USP34: variants seen among roughly 807,000 people sequenced by gnomAD.
USP34 encodes the protein ubiquitin carboxyl-terminal hydrolase 34.
In USP34, 70 loss-of-function variants were observed where a neutral mutation model predicts 460.3. The observed-to-expected ratio is 0.15, with a 90% CI of 0.13 to 0.19. The LOEUF is 0.19. USP34 is among the 10% of genes least tolerant of loss of function. The probability of loss-of-function intolerance (pLI) is 1.00; values close to 1 mark genes in which losing one functional copy is unlikely to be tolerated. For synonymous variants in USP34, 1,647 were observed against 1,405.3 expected (o/e 1.17, Z -3.85); for missense variants, 3,985 against 4,236.2 (o/e 0.94, Z 1.65).
chr2:61,245,346 T>A (rs1231705073), intron 50 of USP34, 58 bp from the exon 51 acceptor site: 15 of 1,007,998 alleles, frequency 1.5e-5, no homozygotes, highest in Non-Finnish European at 7.1e-6. Flanking sequence ...CTTCATATTA[T>A]GTCTACTATT....
At chr2:61,370,685 T>C (rs1259252748) in intron 8 of USP34, 106 bp from the exon 9 acceptor site, 8 of 908,238 alleles carry the variant, frequency 8.8e-6, no homozygotes, top group South Asian at 3.4e-5. Context: ...ATAGGAATTA[T>C]AAAGAATTAG....
At chr2:61,272,887 T>A (rs1689257884) in intron 41 of USP34, among the ~76,000 whole-genome samples, 1 of 152,190 alleles carries the variant, frequency 6.6e-6, no homozygotes, top group African/African-American at 2.4e-5. Flanking sequence ...TGCAGATGAT[T>A]GTGACATGAG....
Position 61,248,536 on chromosome 2 carries a change from A to T in USP34, c.6369T>A (p.Leu2123=), listed in dbSNP as rs1418672216. 6.4e-7 allele frequency: 1 copy of T among 1,569,274 alleles called. No individual in the cohort carries two copies. The highest frequency in any genetic ancestry group is 8.7e-7 in the Non-Finnish European group (1 of 1,155,106). The change falls in exon 49 of 80, where the codon CTT becomes CTA. Residue 2123 remains leucine, a synonymous_variant. Coordinates refer to ENST00000398571, the MANE Select transcript of USP34 (RefSeq NM_014709.4). ...CTTCTTTCCTCTCACTCTTTCCCATAAGAAAATCTTCTGTATAGGGCGTCA... is the reference window on the plus strand; with the variant it reads ...CTTCTTTCCTCTCACTCTTTCCCATTAGAAAATCTTCTGTATAGGGCGTCA... ...LDMTPYTEDF[L]MGKSERKEGF... is the part of the protein sequence containing the mutation.
chr2:61,399,338 C>T (rs138880576), intron 3 of USP34, among the ~76,000 whole-genome samples: 35 of 146,512 alleles, frequency 2.4e-4, no homozygotes, highest in African/African-American at 7.6e-4. Context: ...ATCAAAACTC[C>T]GTCTCAAAAA....
At chr2:61,443,020 G>A (rs892506507) in intron 1 of USP34, among the ~76,000 whole-genome samples, 1 of 151,734 alleles carries the variant, frequency 6.6e-6, no homozygotes, top group African/African-American at 2.4e-5. Flanking sequence ...TATCTTATGT[G>A]AAATAAGCCA....
intron 3 of USP34, among the ~76,000 whole-genome samples, chr2:61,396,699 A>G (rs1260206686): frequency 6.6e-6 from 1 of 152,102 alleles, no homozygotes; most frequent in African/African-American, 2.4e-5. Context: ...CGTGTTAGCC[A>G]GGATGGTCTC....
At chr2:61,217,684 A>G (rs1181557538) in intron 67 of USP34, among the ~76,000 whole-genome samples, 2 of 152,238 alleles carry the variant, frequency 1.3e-5, no homozygotes, top group African/African-American at 4.8e-5. Context: ...AGCAGGGCAC[A>G]GTGGCTCACG....
In USP34 at chr2:61,300,980, A is replaced by G; in HGVS notation, c.4099T>C (p.Ser1367Pro). ...LEMLASFKPP[S>P]GKVAVDDSES... ...CTATCATCCACTGCCACTTTTCCTG[A>G]GGGTGGTTTAAATGATGCAAGCATC... is the stretch of plus-strand genomic sequence containing the variant. The change falls in exon 29 of 80, where the codon TCA (serine) becomes CCA (proline). Residue 1367 changes from serine (S) to proline (P), a missense_variant. Coordinates refer to ENST00000398571, the MANE Select transcript of USP34 (RefSeq NM_014709.4). The G allele has an allele frequency of 6.2e-7, 1 of 1,612,578 alleles. No homozygotes were observed. Among genetic ancestry groups the G allele is most frequent in the Non-Finnish European group, 8.5e-7 (1 of 1,179,552 alleles).
intron 50 of USP34, 61 bp downstream of exon 50, chr2:61,246,262 TG>T: frequency 7.6e-7 from 1 of 1,323,588 alleles, no homozygotes; most frequent in South Asian, 2.3e-5. Context: ...AACTAAACAC[TG>T]AAAACATATC....
chr2:61,454,643 A>C (rs1210071085), intron 1 of USP34, among the ~76,000 whole-genome samples: 1 of 151,704 alleles, frequency 6.6e-6, no homozygotes, highest in Non-Finnish European at 1.5e-5. Context: ...TCCGCCTCCC[A>C]AGTTCAAGTG....
intron 33 of USP34, among the ~76,000 whole-genome samples, chr2:61,291,898 T>C (rs1356944884): frequency 1.3e-5 from 2 of 152,162 alleles, no homozygotes; most frequent in East Asian, 3.8e-4. Flanking sequence ...AATGAATTAT[T>C]GATACTTGCT....
In USP34 at chr2:61,246,481, A is replaced by T. The variant is rs1350799523; in HGVS notation, c.6395-4T>A. On this transcript the variant is annotated splice_region_variant and splice_polypyrimidine_tract_variant and intron_variant, in intron 49 of 79. Coordinates refer to ENST00000398571, the MANE Select transcript of USP34 (RefSeq NM_014709.4). ...TGATCACTGACTTCTTTAAAACCTG[A>T]AATGATTTACACAGAATGGAAATAA... The T allele has an allele frequency of 6.5e-7, 1 of 1,543,664 alleles. No individual in the cohort carries two copies. The highest frequency in any genetic ancestry group is 2.3e-5 in the East Asian group (1 of 42,810).
At chr2:61,366,203 C>T (rs534816162) in intron 10 of USP34, among the ~76,000 whole-genome samples, 1 of 152,256 alleles carries the variant, frequency 6.6e-6, no homozygotes, top group South Asian at 2.1e-4. Context: ...GGATTGTAGG[C>T]GTGAGCCACC....
intron 10 of USP34, among the ~76,000 whole-genome samples, chr2:61,354,788 G>A (rs1372643000): frequency 1.3e-5 from 2 of 152,214 alleles, no homozygotes; most frequent in African/African-American, 2.4e-5. Flanking sequence ...AGGAATTGAG[G>A]AAATGTGAGG....
At chr2:61,257,133 TAAG>T (rs766266975) in intron 45 of USP34, 25 bp from the exon 46 acceptor site, 2 of 1,572,296 alleles carry the variant, frequency 1.3e-6, no homozygotes, top group East Asian at 2.2e-5. Flanking sequence ...AAACAAAAAA[TAAG>T]AAACTAGTTA....
intron 21 of USP34, among the ~76,000 whole-genome samples, chr2:61,319,611 G>A (rs895433682): frequency 1.8e-4 from 27 of 150,978 alleles, no homozygotes; most frequent in Non-Finnish European, 2.8e-4. Flanking sequence ...TTGGGAGGCC[G>A]AGGTGGGTGG....
At chr2:61,283,582 AGT>A in intron 35 of USP34, 133 bp from the exon 36 acceptor site, 2 of 718,512 alleles carry the variant, frequency 2.8e-6, no homozygotes, top group Non-Finnish European at 4.5e-6. Flanking sequence ...TGTGAGTGAG[AGT>A]GAGAGTGAGA....
intron 1 of USP34, among the ~76,000 whole-genome samples, chr2:61,441,344 C>G (rs555994300): frequency 6.6e-6 from 1 of 152,002 alleles, no homozygotes; most frequent in Non-Finnish European, 1.5e-5. Context: ...GGTTAAACCT[C>G]TTATACTTTC....
At chr2:61,399,593 C>CG (rs1558572033) in intron 3 of USP34, among the ~76,000 whole-genome samples, 1 of 151,930 alleles carries the variant, frequency 6.6e-6, no homozygotes, top group Admixed American at 6.6e-5. Context: ...TTAACGGTCC[C>CG]GGGCGCGGTG....
Sources: gnomAD v4.1 joint callset for allele counts (sites outside exome capture counted in the v4.1 genomes callset) on GRCh38, gnomAD v4.1.1 for gene constraint, MANE v1.5 for transcripts, NCBI Gene and HGNC (gene_info 2026-07-23, HGNC 2026-07-21) for gene names.